MROH6: variants seen among roughly 807,000 people sequenced by gnomAD.
MROH6 encodes maestro heat-like repeat-containing protein family member 6.
Under a neutral mutation model 67.7 loss-of-function variants are expected in MROH6, and 62 were observed. The observed-to-expected ratio is 0.92, with a 90% CI of 0.75 to 1.13. The LOEUF (loss-of-function observed/expected upper bound fraction) is 1.13. Ranked by LOEUF, MROH6 falls within the 50% of genes most tolerant of loss-of-function variation. The probability of loss-of-function intolerance (pLI) is 0.00; values close to 1 mark genes in which losing one functional copy is unlikely to be tolerated. For missense variants in MROH6, 1,175 were observed against 1,029.1 expected, an observed-to-expected ratio of 1.14 and a Z score of -1.94; for synonymous variants, 566 against 470.8, an observed-to-expected ratio of 1.20 and a Z score of -2.62.
chr8:143,569,437 T>G lies in MROH6; in HGVS notation c.1476+4A>C. 1 of 1,438,792 alleles carries G rather than the reference T, an allele frequency of 7.0e-7. No individual in the cohort carries two copies. The highest frequency in any genetic ancestry group is 9.0e-7 in the Non-Finnish European group (1 of 1,106,700). The allele number at this position is 1,438,792 out of a possible 1,614,324, so 89.1% of individuals were successfully genotyped here. ...CGGGACCCGGAGGCGGGGCGTTTGC[T>G]CACGTCGTCCAGTAGCGGAGGGAGG... is the stretch of plus-strand genomic sequence containing the variant. On this transcript the variant is annotated splice_donor_region_variant and intron_variant, in intron 9 of 13. Coordinates refer to ENST00000398882, the MANE Select transcript of MROH6 (RefSeq NM_001100878.2).
At position 143,570,606 on chromosome 8, in the gene MROH6, T is replaced by C. The variant is rs371744284; in HGVS notation, c.772A>G (p.Thr258Ala). The part of the protein sequence containing the change: ...MLAVSGCVGA[T>A]RGFYPHLLLA... The stretch of plus-strand genomic sequence containing the variant: ...AGCAGATGTGGGTAGAAGCCCCTCG[T>C]GGCTCCCACGCAGCCCGAAACAGCC... Residue 258 changes from threonine to alanine, a missense_variant, in exon 5 of 14, where the codon ACG becomes GCG. Coordinates refer to ENST00000398882, the MANE Select transcript of MROH6 (RefSeq NM_001100878.2). 8.1e-6 allele frequency: 13 copies of C among 1,602,480 alleles called. No homozygotes were observed. The highest frequency in any genetic ancestry group is 6.7e-5 in the African/African-American group (5 of 75,028).
In MROH6 at chr8:143,569,558, G is replaced by A. The variant is rs891648888; in HGVS notation, c.1359C>T (p.Asp453=). 4.5e-6 allele frequency: 7 copies of A among 1,542,394 alleles called. No homozygotes were observed. The African/African-American group carries it at 8.2e-5, about 18-fold the overall frequency. ...CCAGCGCTGCACCCACGAGCCGCGCGTCGCCTTCGCCCAGTGCGCCCAGGA... is the reference window on the plus strand; with the variant it reads ...CCAGCGCTGCACCCACGAGCCGCGCATCGCCTTCGCCCAGTGCGCCCAGGA... The part of the protein sequence containing the change: ...PALLGALGEG[D]ARLVGAALGA... The change falls in exon 9 of 14, where the codon GAC becomes GAT. Residue 453 remains aspartate, a synonymous_variant. Coordinates refer to ENST00000398882, the MANE Select transcript of MROH6 (RefSeq NM_001100878.2).
At chr8:143,568,284 G>C (rs201344983) in intron 10 of MROH6, 23 bp from the exon 11 acceptor site, 10 of 1,591,516 alleles carry the variant, frequency 6.3e-6, no homozygotes, top group Non-Finnish European at 8.6e-6. Flanking sequence ...AAGTGAGCCG[G>C]GTCAGGGGTC....
chr8:143,569,347 G>A, intron 9 of MROH6, 94 bp downstream of exon 9: 1 of 1,084,162 alleles, frequency 9.2e-7, no homozygotes, highest in Non-Finnish European at 1.2e-6. Context: ...GCCTGGGCGG[G>A]AGAGACGGGG....
chr8:143,570,420 G>A (rs1409156123), intron 5 of MROH6, 40 bp from the exon 6 acceptor site: 2 of 1,325,704 alleles, frequency 1.5e-6, no homozygotes, highest in Non-Finnish European at 2.1e-6. Context: ...AGTGGGAGCT[G>A]AGAGGGTGAC....
Position 143,571,672 on chromosome 8 carries a change from G to C in MROH6, c.597C>G (p.Ala199=). ...VCALLPRSLP[A]DRVAAELWRS... is the part of the protein sequence containing the mutation. The stretch of plus-strand genomic sequence containing the variant: ...GGCCAGGACGGTTGGGTTACCGATC[G>C]GCGGGCAGAGAGCGGGGTAGCAGCG... Residue 199 remains alanine, a synonymous_variant, in exon 3 of 14, where the codon GCC becomes GCG. Transcript: ENST00000398882. 6.4e-7 allele frequency: 1 copy of C among 1,556,936 alleles called. No individual in the cohort carries two copies. The highest frequency in any genetic ancestry group is 8.7e-7 in the Non-Finnish European group (1 of 1,150,908).
Position 143,567,351 on chromosome 8 carries a change from A to C in MROH6, c.2048T>G (p.Leu683Arg). Residue 683 changes from leucine (L) to arginine (R), a missense_variant, in exon 14 of 14, where the codon CTT becomes CGT. By Grantham distance (102) the Leu-to-Arg change is moderately radical. Coordinates refer to ENST00000398882, the MANE Select transcript of MROH6 (RefSeq NM_001100878.2). ...RARGCPRGPR[L>R]LRIAPRPARP... ...GGCGGGGCGCGGGGCGATGCGGAGA[A>C]GGCGGGGCCCGCGGGGGCAGCCCCG... 8.2e-7 allele frequency: 1 copy of C among 1,219,870 alleles called. No individual in the cohort carries two copies. Among genetic ancestry groups the C allele is most frequent in the Non-Finnish European group, 1.0e-6 (1 of 979,664 alleles). 75.6% of individuals were successfully genotyped at this position (1,219,870 alleles called of 1,614,324 possible).
At position 143,567,599 on chromosome 8, in the gene MROH6, G is replaced by C; in HGVS notation, c.1933+12C>G. On this transcript the variant is annotated intron_variant, in intron 13 of 13. Transcript: ENST00000398882. ...CTCCAGGACACCATCCCCTGGCAAG[G>C]TGGGGCCTCACCCTGGAACAGGGAG... The C allele has an allele frequency of 6.4e-7, 1 of 1,554,362 alleles. No homozygotes were observed. The highest frequency in any genetic ancestry group is 8.7e-7 in the Non-Finnish European group (1 of 1,149,478).
intron 6 of MROH6, 73 bp from the exon 7 acceptor site, chr8:143,570,138 C>A (rs754992602): frequency 6.4e-7 from 1 of 1,570,970 alleles, no homozygotes; most frequent in Non-Finnish European, 8.6e-7. Context: ...CATCCCAACA[C>A]CACCCTCATG....
chr8:143,572,603 G>T lies in MROH6; in HGVS notation c.112C>A (p.Pro38Thr), dbSNP rs898475945. ...IRARQGQPQG[P>T]PSAGPQPKSW... ...TTGGGCTGAGGGCCTGCGGAAGGGG[G>T]TCCCTGGGGCTGCCCCTGCCTGGCC... Residue 38 changes from proline to threonine, a missense_variant, in exon 1 of 14, where the codon CCC becomes ACC. Pro to Thr is a conservative substitution (Grantham distance 38). Transcript: ENST00000398882. 1.3e-6 allele frequency: 2 copies of T among 1,597,968 alleles called. No individual in the cohort carries two copies. The highest frequency in any genetic ancestry group is 1.7e-6 in the Non-Finnish European group (2 of 1,175,060).
chr8:143,568,948 G>C, intron 9 of MROH6: 1 of 465,814 alleles, frequency 2.1e-6, no homozygotes, highest in Non-Finnish European at 3.7e-6. Flanking sequence ...AAGTCGAGCG[G>C]GGAGGAGCTT....
intron 1 of MROH6, 29 bp downstream of exon 1, chr8:143,572,392 C>G (rs1190343793): frequency 6.5e-7 from 1 of 1,527,402 alleles, no homozygotes; most frequent in Non-Finnish European, 8.8e-7. Flanking sequence ...CAGGCCGGTT[C>G]GCACAACATC....
In MROH6 at chr8:143,567,179, G is replaced by A; in HGVS notation, c.*60C>T. 1 of 981,264 alleles carries A rather than the reference G, an allele frequency of 1.0e-6. No individual in the cohort carries two copies. The highest frequency in any genetic ancestry group is 1.3e-6 in the Non-Finnish European group (1 of 763,738). 60.8% of individuals were successfully genotyped at this position (981,264 alleles called of 1,614,324 possible). On this transcript the variant is annotated 3_prime_UTR_variant, in exon 14 of 14. Transcript: ENST00000398882. ...AGCCCCTCCGTCAGGGCGGGGACAG[G>A]CTGCTATGCGCGTGGGGTGCCCGAG... is the stretch of plus-strand genomic sequence containing the variant.
chr8:143,569,454 G>C lies in MROH6; in HGVS notation c.1463C>G (p.Pro488Arg), dbSNP rs930858910. ...GCGTTTGCTCACGTCGTCCAGTAGC[G>C]GAGGGAGGCGCGGTCCCAGCTCCGC... ...LSAELGPRLP[P>R]LLDDTRDSIR... Residue 488 changes from proline (P) to arginine (R), a missense_variant, in exon 9 of 14, where the codon CCG becomes CGG. Transcript: ENST00000398882. The C allele has an allele frequency of 3.4e-6, 5 of 1,458,506 alleles. No homozygotes were observed. Among genetic ancestry groups the C allele is most frequent in the Non-Finnish European group, 4.5e-6 (5 of 1,116,190 alleles). The allele number at this position is 1,458,506 out of a possible 1,614,324, so 90.3% of individuals were successfully genotyped here. A position where few individuals can be genotyped will look rare whatever the true frequency, so the allele number is the denominator to read the frequency against.
Position 143,571,829 on chromosome 8 carries a change from G to C in MROH6, c.448-8C>G, listed in dbSNP as rs1282827387. 3.2e-6 allele frequency: 5 copies of C among 1,539,152 alleles called. No individual in the cohort carries two copies. In the South Asian group the frequency reaches 6.0e-5, roughly 18 times the overall value. ...ACGCACCAGAGCATGCACCTGGTGGGGAAGGGGGCAGACTTCAGCAGTCAG... is the reference window on the plus strand; with the variant it reads ...ACGCACCAGAGCATGCACCTGGTGGCGAAGGGGGCAGACTTCAGCAGTCAG... On this transcript the variant is annotated splice_region_variant and splice_polypyrimidine_tract_variant and intron_variant, in intron 2 of 13. Transcript: ENST00000398882.
In MROH6 at chr8:143,570,057, AC is replaced by A; in HGVS notation, c.1051del (p.Val351TrpfsTer80). 6.2e-7 allele frequency: 1 copy of A among 1,610,832 alleles called. No individual in the cohort carries two copies. Among genetic ancestry groups the A allele is most frequent in the Non-Finnish European group, 8.5e-7 (1 of 1,179,622 alleles). On this transcript the variant is annotated frameshift_variant, in exon 7 of 14. Transcript: ENST00000398882. LOFTEE classifies it high-confidence loss of function. ...EGVLLLASAM[V>X]AHADHHLRGL... The stretch of plus-strand genomic sequence containing the variant: ...TCGCAGGTGGTGGTCGGCATGTGCC[AC>A]CATAGCACTGGGGTGGGTGGAAATG...
At position 143,570,631 on chromosome 8, in the gene MROH6, C is replaced by T; in HGVS notation, c.747G>A (p.Leu249=). The T allele has an allele frequency of 1.9e-6, 3 of 1,598,844 alleles. No individual in the cohort carries two copies. Among genetic ancestry groups the T allele is most frequent in the Non-Finnish European group, 2.5e-6 (3 of 1,179,222 alleles). The stretch of plus-strand genomic sequence containing the variant: ...TGGCTCCCACGCAGCCCGAAACAGC[C>T]AGCATCTCCCCAAGAGCACGTGTGG... ...LAATRALGEM[L]AVSGCVGATR... The change falls in exon 5 of 14, where the codon CTG becomes CTA. Residue 249 remains leucine (L), a synonymous_variant. Coordinates refer to ENST00000398882, the MANE Select transcript of MROH6 (RefSeq NM_001100878.2).
chr8:143,569,483 C>T lies in MROH6; in HGVS notation c.1434G>A (p.Leu478=), dbSNP rs1190574962. ...GGAGGCGCGGTCCCAGCTCCGCGCTCAGGAGCCGCACAGGCGCCCGGGGCC... is the reference window on the plus strand; with the variant it reads ...GGAGGCGCGGTCCCAGCTCCGCGCTTAGGAGCCGCACAGGCGCCCGGGGCC... ...LLRPRAPVRL[L]SAELGPRLPP... Residue 478 remains leucine (L), a synonymous_variant, in exon 9 of 14, where the codon CTG becomes CTA. Coordinates refer to ENST00000398882, the MANE Select transcript of MROH6 (RefSeq NM_001100878.2). 2.7e-6 allele frequency: 4 copies of T among 1,478,526 alleles called. No individual in the cohort carries two copies. In the Admixed American group the frequency reaches 7.2e-5, roughly 27 times the overall value. The allele number at this position is 1,478,526 out of a possible 1,614,324, so 91.6% of individuals were successfully genotyped here. A position where few individuals can be genotyped will look rare whatever the true frequency, so the allele number is the denominator to read the frequency against.
In MROH6 at chr8:143,571,741, C is replaced by G; in HGVS notation, c.528G>C (p.Val176=). The change falls in exon 3 of 14, where the codon GTG becomes GTC. Residue 176 remains valine, a synonymous_variant. Coordinates refer to ENST00000398882, the MANE Select transcript of MROH6 (RefSeq NM_001100878.2). ...CATGCTCCAGGGCCAGTGCGCTCAG[C>G]ACTCGCAGGGCCGCCCTCCAGGGCC... The part of the protein sequence containing the change: ...EGRPWRAALR[V]LSALALEHAR... 2 of 1,549,576 alleles carry G rather than the reference C, an allele frequency of 1.3e-6. No individual in the cohort carries two copies. Among genetic ancestry groups the G allele is most frequent in the Non-Finnish European group, 1.7e-6 (2 of 1,147,910 alleles).
Sources: gnomAD v4.1 joint callset for allele counts on GRCh38, gnomAD v4.1.1 for gene constraint, MANE v1.5 for transcripts, NCBI Gene and HGNC (gene_info 2026-07-23, HGNC 2026-07-21) for gene names.